DENND2A: variants seen among roughly 807,000 people sequenced by gnomAD.
DENND2A encodes the protein DENN domain containing 2A.
DENND2A carries 53 observed loss-of-function variants against 105.3 expected under a neutral mutation model. The ratio of observed to expected loss-of-function variants is 0.50; its 90% CI spans 0.40 to 0.63. DENND2A has a LOEUF of 0.63. Ranked by LOEUF, DENND2A falls within the 30% of genes least tolerant of loss-of-function variation. DENND2A has a pLI of 0.00. For synonymous variants in DENND2A, 522 were observed against 508.4 expected (o/e 1.03, Z -0.36); for missense variants, 1,138 against 1,279.6 (o/e 0.89, Z 1.69).
chr7:140,552,076 T>C (rs1797160957), intron 12 of DENND2A, among the ~76,000 whole-genome samples: 1 of 152,250 alleles, frequency 6.6e-6, no homozygotes, highest in Admixed American at 6.5e-5. Flanking sequence ...GCTGTTTTAC[T>C]TCTGGTGTTC....
chr7:140,584,423 A>G (rs1170226708), intron 5 of DENND2A, among the ~76,000 whole-genome samples: 2 of 152,138 alleles, frequency 1.3e-5, no homozygotes, highest in East Asian at 3.8e-4. Context: ...GAGAGTGCGC[A>G]TGTCCCAGGC....
chr7:140,623,533 GC>G (rs368723797), intron 1 of DENND2A, among the ~76,000 whole-genome samples: 1 of 151,566 alleles, frequency 6.6e-6, no homozygotes, highest in African/African-American at 2.4e-5. Flanking sequence ...TTCGAGACCA[GC>G]CTGGCCAACA....
At chr7:140,524,164 G>C (rs948210571) in intron 16 of DENND2A, among the ~76,000 whole-genome samples, 2 of 152,146 alleles carry the variant, frequency 1.3e-5, no homozygotes, top group African/African-American at 4.8e-5. Context: ...TACCCTGTGG[G>C]CCTTGAGGAA....
intron 13 of DENND2A, among the ~76,000 whole-genome samples, chr7:140,545,783 A>C (rs1483298476): frequency 6.6e-6 from 1 of 152,138 alleles, no homozygotes; most frequent in Non-Finnish European, 1.5e-5. Context: ...CGGTGAGCAG[A>C]GAGTGGATTT....
chr7:140,573,160 A>G (rs1226383525), intron 6 of DENND2A, among the ~76,000 whole-genome samples: 1 of 152,232 alleles, frequency 6.6e-6, no homozygotes, highest in Non-Finnish European at 1.5e-5. Flanking sequence ...AAATAAAATG[A>G]GTATGCATTT....
At position 140,521,931 on chromosome 7, in the gene DENND2A, G is replaced by A. The variant is rs562102502; in HGVS notation, c.2835C>T (p.Phe945=). ...TCTGAGTCTCCATGAAGACCTCCAG[G>A]AAGTGGCGGAGGCTCTTGGAGGAGA... ...KAVSSKSLRH[F]LEVFMETQMF... is the part of the protein sequence containing the mutation. Residue 945 remains phenylalanine (F), a synonymous_variant, in exon 18 of 20, where the codon TTC becomes TTT. Transcript: ENST00000496613. The A allele has an allele frequency of 6.2e-7, 1 of 1,614,198 alleles. No individual in the cohort carries two copies. The highest frequency in any genetic ancestry group is 2.2e-5 in the East Asian group (1 of 44,890).
chr7:140,535,538 C>T (rs1474550371), intron 14 of DENND2A, among the ~76,000 whole-genome samples: 3 of 151,852 alleles, frequency 2.0e-5, no homozygotes, highest in Non-Finnish European at 2.9e-5. Flanking sequence ...ACTAGATCAT[C>T]GCTAGATCGT....
Position 140,527,235 on chromosome 7 carries a change from G to T in DENND2A, c.2505+83C>A. On this transcript the variant is annotated intron_variant, in intron 15 of 19. Coordinates refer to ENST00000496613, the MANE Select transcript of DENND2A (RefSeq NM_015689.5). The surrounding 1 kb of genome is among the most constrained non-coding windows in gnomAD (Gnocchi z 4.9). ...CCCAACACTGCTGGCTCTGAGAACC[G>T]CTCCATGATGCCTGCAGAGCCAGCG... is the stretch of plus-strand genomic sequence containing the variant. 1 of 1,400,644 alleles carries T rather than the reference G, an allele frequency of 7.1e-7. No homozygotes were observed. Among genetic ancestry groups the T allele is most frequent in the East Asian group, 2.6e-5 (1 of 38,686 alleles). 86.8% of individuals were successfully genotyped at this position (1,400,644 alleles called of 1,614,324 possible).
intron 4 of DENND2A, among the ~76,000 whole-genome samples, chr7:140,586,982 C>T (rs1798810267): frequency 6.6e-6 from 1 of 152,172 alleles, no homozygotes; most frequent in Non-Finnish European, 1.5e-5. Flanking sequence ...TCACTAAAAC[C>T]ATCAACCTCC....
At chr7:140,599,468 TAA>T (rs1799402972) in intron 3 of DENND2A, among the ~76,000 whole-genome samples, 1 of 152,076 alleles carries the variant, frequency 6.6e-6, no homozygotes, top group Admixed American at 6.6e-5. Flanking sequence ...GGCTCTGTAC[TAA>T]GTTTATGTTA....
At chr7:140,551,299 C>CAAAAAAAAAA (rs529992901) in intron 12 of DENND2A, among the ~76,000 whole-genome samples, 1 of 71,742 alleles carries the variant, frequency 1.4e-5, no homozygotes. Context: ...GACTCCATCT[C>CAAAAAAAAAA]AAAAAAAAAA....
chr7:140,536,064 T>C (rs928220349), intron 14 of DENND2A, among the ~76,000 whole-genome samples: 2 of 152,208 alleles, frequency 1.3e-5, no homozygotes, highest in Admixed American at 1.3e-4. Context: ...AAGAAATTCA[T>C]AGAGAAGGCC....
At chr7:140,529,040 G>A (rs1269065854) in intron 14 of DENND2A, among the ~76,000 whole-genome samples, 1 of 152,112 alleles carries the variant, frequency 6.6e-6, no homozygotes, top group East Asian at 1.9e-4. Context: ...GGGAGGCGGA[G>A]GTTGCAGTGA....
intron 14 of DENND2A, among the ~76,000 whole-genome samples, chr7:140,530,190 C>T (rs539788455): frequency 1.8e-4 from 28 of 152,214 alleles, no homozygotes; most frequent in African/African-American, 6.7e-4. Context: ...TGTCACTGCA[C>T]TCCAGCATGG....
At chr7:140,630,045 G>A (rs1336372771) in intron 1 of DENND2A, among the ~76,000 whole-genome samples, 1 of 151,662 alleles carries the variant, frequency 6.6e-6, no homozygotes, top group African/African-American at 2.4e-5. Context: ...ATTTTTAGTG[G>A]AGACGGGGTT....
chr7:140,624,078 G>T (rs1563184897), intron 1 of DENND2A, among the ~76,000 whole-genome samples: 1 of 152,188 alleles, frequency 6.6e-6, no homozygotes, highest in Non-Finnish European at 1.5e-5. Flanking sequence ...GCAGAAGGAG[G>T]AGCTGAGCTG....
intron 3 of DENND2A, among the ~76,000 whole-genome samples, chr7:140,597,120 A>G (rs1391824657): frequency 3.3e-5 from 5 of 152,196 alleles, no homozygotes; most frequent in Non-Finnish European, 5.9e-5. Flanking sequence ...AGAAGAGGAG[A>G]AAAGAAAAAA....
intron 14 of DENND2A, among the ~76,000 whole-genome samples, chr7:140,530,952 G>A (rs1247166426): frequency 1.3e-5 from 2 of 152,084 alleles, no homozygotes; most frequent in African/African-American, 4.8e-5. Context: ...GGCTGGTCTC[G>A]AACTCCTGAC....
At chr7:140,532,943 C>CA (rs1796318142) in intron 14 of DENND2A, among the ~76,000 whole-genome samples, 1 of 145,102 alleles carries the variant, frequency 6.9e-6, no homozygotes. Flanking sequence ...AAAAACAAAA[C>CA]AAAAACATGT....
Sources: gnomAD v4.1 joint callset for allele counts (sites outside exome capture counted in the v4.1 genomes callset) on GRCh38, gnomAD v4.1.1 for gene constraint, Gnocchi (gnomAD v3.1) non-coding constraint, MANE v1.5 for transcripts, NCBI Gene and HGNC (gene_info 2026-07-23, HGNC 2026-07-21) for gene names.